Variants in SYT10 observed in about 807,000 individuals in gnomAD.
The protein encoded by SYT10 is synaptotagmin-10.
A neutral mutation model predicts 51.1 loss-of-function variants in SYT10; 31 were observed. The observed-to-expected ratio is 0.61, with a 90% CI of 0.46 to 0.82. The LOEUF is 0.82. Ranked by LOEUF, SYT10 falls within the 40% of genes least tolerant of loss-of-function variation. The probability of loss-of-function intolerance (pLI) is 0.00; values close to 1 mark genes in which losing one functional copy is unlikely to be tolerated. For missense variants in SYT10, 603 were observed against 634.0 expected, an observed-to-expected ratio of 0.95 and a Z score of 0.53; for synonymous variants, 233 against 225.9, an observed-to-expected ratio of 1.03 and a Z score of -0.28.
intron 4 of SYT10, among the ~76,000 whole-genome samples, chr12:33,384,597 CT>C (rs1256695509): frequency 6.6e-6 from 1 of 152,176 alleles, no homozygotes; most frequent in Non-Finnish European, 1.5e-5. Context: ...CATGATGTAT[CT>C]TTATCTTTTT....
chr12:33,433,516 G>C (rs1471761429), intron 1 of SYT10, among the ~76,000 whole-genome samples: 1 of 152,056 alleles, frequency 6.6e-6, no homozygotes. Context: ...CTATATTTAG[G>C]ATTATATGCG....
chr12:33,404,885 C>T (rs1866339196), intron 3 of SYT10: 2 of 151,992 alleles, frequency 1.3e-5, no homozygotes, highest in Admixed American at 1.3e-4. Flanking sequence ...GGGAGAGTTG[C>T]AAATAAATTT....
Position 33,406,939 on chromosome 12 carries a change from T to C in SYT10, c.927A>G (p.Leu309=). 6.2e-7 allele frequency: 1 copy of C among 1,614,072 alleles called. No individual in the cohort carries two copies. The highest frequency in any genetic ancestry group is 8.5e-7 in the Non-Finnish European group (1 of 1,180,000). Residue 309 remains leucine, a synonymous_variant, in exon 3 of 7, where the codon CTA becomes CTG. Transcript: ENST00000228567. ...CACTGAAATGTAGTTTTCGGTTGCT[T>C]AGTTGATCATATGCTACAGGAAATT... is the stretch of plus-strand genomic sequence containing the variant. ...TFQFPVAYDQ[L]SNRKLHFSVY...
chr12:33,420,139 C>T (rs1472138021), intron 2 of SYT10, among the ~76,000 whole-genome samples: 2 of 152,162 alleles, frequency 1.3e-5, no homozygotes, highest in Non-Finnish European at 2.9e-5. Flanking sequence ...TCATCTGTGT[C>T]TCCACATCTC....
At chr12:33,396,276 G>C (rs1011226553) in intron 3 of SYT10, among the ~76,000 whole-genome samples, 12 of 152,130 alleles carry the variant, frequency 7.9e-5, no homozygotes, top group Non-Finnish European at 1.6e-4. Flanking sequence ...TTGGGTATTT[G>C]ATTATTCAAC....
intron 3 of SYT10, among the ~76,000 whole-genome samples, chr12:33,397,733 T>G (rs1817871714): frequency 6.6e-6 from 1 of 151,862 alleles, no homozygotes; most frequent in Non-Finnish European, 1.5e-5. Flanking sequence ...CCTCTTCCCC[T>G]AGGAAGAAGC....
chr12:33,379,582 A>G lies in SYT10; in HGVS notation c.1500+250T>C, dbSNP rs560958376. On this transcript the variant is annotated intron_variant, in intron 6 of 6. Coordinates refer to ENST00000228567, the MANE Select transcript of SYT10 (RefSeq NM_198992.4). Reference sequence around the variant, plus strand: ...AAAAAAAAAAAAAAAAAAAAAAAAGAGACTTGCAAATGGCTTACTGTCCAA... The same window carrying G: ...AAAAAAAAAAAAAAAAAAAAAAAAGGGACTTGCAAATGGCTTACTGTCCAA... Among the ~76,000 whole-genome samples, 228 of 98,682 alleles carry G rather than the reference A, an allele frequency of 2.3e-3. 2 individuals carry two copies. Among genetic ancestry groups the G allele is most frequent in the Non-Finnish European group, 3.8e-3 (188 of 49,598 alleles). The allele number at this position is 98,682 out of a possible 152,430, so 64.7% of individuals were successfully genotyped here.
chr12:33,391,936 G>A (rs116071703), intron 3 of SYT10, among the ~76,000 whole-genome samples: 2,218 of 152,248 alleles, frequency 0.015, 41 homozygotes, highest in African/African-American at 0.049. Context: ...TAGAAAACAA[G>A]TGACGAAGAC....
chr12:33,439,065 A>G (rs1354269022), intron 1 of SYT10, among the ~76,000 whole-genome samples: 1 of 151,808 alleles, frequency 6.6e-6, no homozygotes. Flanking sequence ...CCACTCCGGG[A>G]GGGAGATGGG....
intron 3 of SYT10, among the ~76,000 whole-genome samples, chr12:33,394,780 T>TAAA (rs1565492811): frequency 6.6e-6 from 1 of 152,222 alleles, no homozygotes; most frequent in African/African-American, 2.4e-5. Context: ...CTTTACTCTG[T>TAAA]GGCTTTACCT....
At chr12:33,380,243 A>G (rs1866102449) in intron 5 of SYT10, among the ~76,000 whole-genome samples, 1 of 152,206 alleles carries the variant, frequency 6.6e-6, no homozygotes, top group South Asian at 2.1e-4. Context: ...AATGAGAAAT[A>G]CCAGTAGGTC....
intron 2 of SYT10, among the ~76,000 whole-genome samples, chr12:33,423,337 A>G (rs1174542638): frequency 6.7e-6 from 1 of 148,472 alleles, no homozygotes; most frequent in African/African-American, 2.5e-5. Context: ...TGTGTGTGTT[A>G]TGTGTGTGTG....
chr12:33,410,540 A>G (rs1018333678), intron 2 of SYT10, among the ~76,000 whole-genome samples: 4 of 146,496 alleles, frequency 2.7e-5, no homozygotes, highest in Admixed American at 2.1e-4. Context: ...CCTATCGTTC[A>G]ATACATATAT....
At chr12:33,425,767 C>G (rs1214248210) in intron 2 of SYT10, among the ~76,000 whole-genome samples, 2 of 151,906 alleles carry the variant, frequency 1.3e-5, no homozygotes, top group Non-Finnish European at 2.9e-5. Context: ...ATTTATTGGT[C>G]GAATCAAATT....
At position 33,439,464 on chromosome 12, in the gene SYT10, A is replaced by T. The variant is rs751041299; in HGVS notation, c.59T>A (p.Val20Asp). The T allele has an allele frequency of 6.2e-7, 1 of 1,614,216 alleles. No homozygotes were observed. Among genetic ancestry groups the T allele is most frequent in the Admixed American group, 1.7e-5 (1 of 60,032 alleles). The stretch of plus-strand genomic sequence containing the variant: ...CTGGCCGGCGAAGCACAGCTCGGTG[A>T]CGATGTGCAGAGCCTTCTGGCACAG... ...NSLCQKALHI[V>D]TELCFAGQVE... Residue 20 changes from valine (V) to aspartate (D), a missense_variant, in exon 1 of 7, where the codon GTC becomes GAC. Physicochemically the swap from Val to Asp is radical, Grantham distance 152. Transcript: ENST00000228567.
Position 33,422,089 on chromosome 12 carries a change from T to TA in SYT10, c.509+4048dup, listed in dbSNP as rs58610962. Among the ~76,000 whole-genome samples the TA allele has an allele frequency of 4.7e-3, 687 of 145,942 alleles. 5 individuals are homozygous for TA. The highest frequency in any genetic ancestry group is 0.014 in the African/African-American group (566 of 40,110). Reference sequence around the variant, plus strand: ...GTTAAGGCATCAAAACTTAAAGTATTAAAAAAAAAAACTTAAAAAAAAAGC... The same window carrying TA: ...GTTAAGGCATCAAAACTTAAAGTATTAAAAAAAAAAAACTTAAAAAAAAAGC... On this transcript the variant is annotated intron_variant, in intron 2 of 6. Transcript: ENST00000228567.
chr12:33,427,358 G>T (rs141716731), intron 1 of SYT10, among the ~76,000 whole-genome samples: 3 of 152,216 alleles, frequency 2.0e-5, no homozygotes, highest in Non-Finnish European at 4.4e-5. Context: ...CATAGAACTT[G>T]ACCCTGTACA....
At chr12:33,410,698 A>G (rs930072107) in intron 2 of SYT10, among the ~76,000 whole-genome samples, 2 of 152,210 alleles carry the variant, frequency 1.3e-5, no homozygotes, top group Admixed American at 1.3e-4. Context: ...ACAGAGAATT[A>G]TATGGATAAA....
chr12:33,388,927 C>T (rs1866180418), intron 3 of SYT10, among the ~76,000 whole-genome samples: 1 of 152,164 alleles, frequency 6.6e-6, no homozygotes, highest in Non-Finnish European at 1.5e-5. Flanking sequence ...ATAGTAAAAT[C>T]AAGCTGTAGC....
Sources: allele counts gnomAD v4.1 joint callset (sites outside exome capture counted in the v4.1 genomes callset), GRCh38; gene constraint gnomAD v4.1.1; transcripts MANE v1.5; gene names NCBI Gene and HGNC (gene_info 2026-07-23, HGNC 2026-07-21).